The following ARHGEF26 variants were observed in gnomAD, a reference collection of about 807,000 sequenced individuals.
ARHGEF26 encodes the protein Rho guanine nucleotide exchange factor 26, also known as Rho guanine nucleotide exchange factor (GEF) 26.
ARHGEF26 carries 59 observed loss-of-function variants against 89.4 expected under a neutral mutation model. That is an observed-to-expected ratio of 0.66 (90% confidence interval 0.54 to 0.82). The LOEUF (loss-of-function observed/expected upper bound fraction) is 0.82, where lower values mean the gene tolerates loss of function less well. Among genes scored for constraint, ARHGEF26 ranks in the 40% least tolerant of loss-of-function variants. The pLI is 0.00. For missense variants in ARHGEF26, 1,234 were observed against 1,085.6 expected (o/e 1.14, Z -1.92); for synonymous variants, 500 against 428.4 (o/e 1.17, Z -2.06).
At chr3:154,200,448 T>C (rs1239329611) in intron 9 of ARHGEF26, among the ~76,000 whole-genome samples, 2 of 152,174 alleles carry the variant, frequency 1.3e-5, no homozygotes, top group Non-Finnish European at 2.9e-5. Context: ...TACCATGCTG[T>C]CTTGGTTATT....
intron 12 of ARHGEF26, among the ~76,000 whole-genome samples, chr3:154,245,396 T>C (rs143040259): frequency 2.0e-4 from 30 of 152,358 alleles, no homozygotes; most frequent in African/African-American, 6.7e-4. Flanking sequence ...GGATATCATA[T>C]GGGTTAGAAT....
Position 154,255,346 on chromosome 3 carries a change from A to AACG in ARHGEF26, c.2492_2494dup (p.Arg831dup). ...TTTTTCACAGGCTGGTATGAGGGGG[A>AACG]ACGACTACGAGATGGAGAAAGAGGC... is the stretch of plus-strand genomic sequence containing the variant. On this transcript the variant is annotated inframe_insertion, in exon 15 of 15. Transcript: ENST00000465093. 1.2e-6 allele frequency: 2 copies of AACG among 1,611,978 alleles called. No individual in the cohort carries two copies. Among genetic ancestry groups the AACG allele is most frequent in the Non-Finnish European group, 1.7e-6 (2 of 1,179,284 alleles).
Position 154,240,590 on chromosome 3 carries a change from G to C in ARHGEF26, c.2300+11G>C. ...AGGAGCTGAGACGCAGTAAGTATATGTGGGGAAAAGATTGGAATAGCTGAT... is the reference window on the plus strand; with the variant it reads ...AGGAGCTGAGACGCAGTAAGTATATCTGGGGAAAAGATTGGAATAGCTGAT... On this transcript the variant is annotated intron_variant, in intron 12 of 14. Transcript: ENST00000465093. 6.3e-7 allele frequency: 1 copy of C among 1,593,460 alleles called. No individual in the cohort carries two copies. Among genetic ancestry groups the C allele is most frequent in the Non-Finnish European group, 8.6e-7 (1 of 1,169,370 alleles).
chr3:154,239,261 G>T (rs9816553), intron 11 of ARHGEF26, among the ~76,000 whole-genome samples: 1 of 105,666 alleles, frequency 9.5e-6, no homozygotes. Context: ...AGAGAGAGAG[G>T]GAGAGAGAGA....
chr3:154,161,518 TATC>T (rs1285231133), intron 6 of ARHGEF26, among the ~76,000 whole-genome samples: 1 of 152,212 alleles, frequency 6.6e-6, no homozygotes, highest in African/African-American at 2.4e-5. Flanking sequence ...AAATGATTTT[TATC>T]ATCTATGTCT....
intron 4 of ARHGEF26, among the ~76,000 whole-genome samples, chr3:154,137,334 C>G (rs781533161): frequency 6.6e-6 from 1 of 152,284 alleles, no homozygotes; most frequent in South Asian, 2.1e-4. Context: ...TGCACCACTT[C>G]GGGGCTCTTC....
intron 12 of ARHGEF26, among the ~76,000 whole-genome samples, chr3:154,250,229 A>G (rs966317062): frequency 6.6e-6 from 1 of 152,204 alleles, no homozygotes; most frequent in East Asian, 1.9e-4. Context: ...GGGTTTCTCC[A>G]TGTTGGTCAG....
chr3:154,235,241 C>T (rs897158855), intron 11 of ARHGEF26, among the ~76,000 whole-genome samples: 1 of 152,040 alleles, frequency 6.6e-6, no homozygotes, highest in African/African-American at 2.4e-5. Flanking sequence ...TAATATCAAG[C>T]TTTTCTATTC....
chr3:154,185,570 A>G (rs1713472638), intron 6 of ARHGEF26, among the ~76,000 whole-genome samples: 1 of 152,198 alleles, frequency 6.6e-6, no homozygotes, highest in South Asian at 2.1e-4. Flanking sequence ...CAGACCACCT[A>G]GTCCCTCTCA....
At chr3:154,208,546 C>G (rs996485665) in intron 9 of ARHGEF26, among the ~76,000 whole-genome samples, 1 of 152,108 alleles carries the variant, frequency 6.6e-6, no homozygotes, top group Non-Finnish European at 1.5e-5. Flanking sequence ...GTCTCTTTCT[C>G]TACCTCTTCT....
rs908274652 is a variant in ARHGEF26 at position 154,256,108 on chromosome 3, TA to T, written c.*644del. On this transcript the variant is annotated 3_prime_UTR_variant, in exon 15 of 15. Coordinates refer to ENST00000465093, the MANE Select transcript of ARHGEF26 (RefSeq NM_015595.4). ...GTAGAAAGCCTTACTTTAGGATTTT[TA>T]AAAAAAAATCCATCTCACCCCATAT... 1.0e-4 allele frequency: 98 copies of T among 976,202 alleles called. No individual in the cohort carries two copies. Among genetic ancestry groups the T allele is most frequent in the African/African-American group, 8.1e-4 (46 of 56,986 alleles). The allele number at this position is 976,202 out of a possible 1,614,324, so 60.5% of individuals were successfully genotyped here. A position where few individuals can be genotyped will look rare whatever the true frequency, so the allele number is the denominator to read the frequency against.
chr3:154,222,728 C>CAA (rs1425733317), intron 10 of ARHGEF26, among the ~76,000 whole-genome samples: 13 of 152,078 alleles, frequency 8.5e-5, no homozygotes, highest in African/African-American at 2.7e-4. Flanking sequence ...GCTTGACTAT[C>CAA]AAGAGGATAG....
At chr3:154,185,585 C>A (rs1337000411) in intron 6 of ARHGEF26, among the ~76,000 whole-genome samples, 1 of 152,178 alleles carries the variant, frequency 6.6e-6, no homozygotes, top group African/African-American at 2.4e-5. Flanking sequence ...CTCTCAGGGC[C>A]TGCTACTCTC....
chr3:154,149,265 T>A, intron 4 of ARHGEF26, 124 bp from the exon 5 acceptor site: 1 of 598,042 alleles, frequency 1.7e-6, no homozygotes, highest in Non-Finnish European at 2.8e-6. Context: ...ATTGATGAAT[T>A]CAACATTTTG....
At chr3:154,219,939 A>AAAACAAACAAAAAAAAC (rs71152794) in intron 10 of ARHGEF26, among the ~76,000 whole-genome samples, 5 of 151,516 alleles carry the variant, frequency 3.3e-5, no homozygotes, top group Middle Eastern at 3.4e-3. Flanking sequence ...CAAAAAACAA[A>AAAACAAACAAAAAAAAC]CAAAAAAGTA....
chr3:154,123,220 G>T (rs757848277), intron 2 of ARHGEF26, 145 bp downstream of exon 2: 6 of 1,248,644 alleles, frequency 4.8e-6, no homozygotes, highest in Non-Finnish European at 6.6e-6. Context: ...TGTACATCCA[G>T]CTCTTGGCCA....
rs1386065837 is a variant in ARHGEF26 at position 154,236,140 on chromosome 3, CAAAG to C, written c.2091-4227_2091-4224del. On this transcript the variant is annotated intron_variant, in intron 11 of 14. Coordinates refer to ENST00000465093, the MANE Select transcript of ARHGEF26 (RefSeq NM_015595.4). ...TAGAACCAAACACTGACCTGCTTAA[CAAAG>C]AATGCCCTCCAGAGAAGAAAAAAAC... 3.9e-5 allele frequency among the ~76,000 whole-genome samples: 6 copies of C among 152,222 alleles called. No homozygotes were observed. The East Asian group carries it at 1.2e-3, about 29-fold the overall frequency.
chr3:154,252,123 A>G (rs1013218569), intron 12 of ARHGEF26, among the ~76,000 whole-genome samples: 5 of 152,170 alleles, frequency 3.3e-5, no homozygotes, highest in Admixed American at 3.3e-4. Context: ...CTGTAGATTC[A>G]GGCTGCTATG....
chr3:154,223,457 A>G (rs943391694), intron 10 of ARHGEF26, among the ~76,000 whole-genome samples: 4 of 152,348 alleles, frequency 2.6e-5, no homozygotes, highest in Admixed American at 1.3e-4. Flanking sequence ...CCCCAAATCA[A>G]CGGATGAATT....
Sources: allele counts gnomAD v4.1 joint callset (sites outside exome capture counted in the v4.1 genomes callset), GRCh38; gene constraint gnomAD v4.1.1; transcripts MANE v1.5; gene names NCBI Gene and HGNC (gene_info 2026-07-23, HGNC 2026-07-21).